PTPRE: variants seen among roughly 807,000 people sequenced by gnomAD.
The protein encoded by PTPRE is protein tyrosine phosphatase receptor type E.
A neutral mutation model predicts 102.0 loss-of-function variants in PTPRE; 51 were observed. That is an observed-to-expected ratio of 0.50 (90% CI 0.40 to 0.63). PTPRE has a LOEUF of 0.63. PTPRE is among the 30% of genes least tolerant of loss of function. The pLI is 0.00. For missense variants in PTPRE, 752 were observed against 915.1 expected (o/e 0.82, Z 2.30); for synonymous variants, 345 against 348.2 (o/e 0.99, Z 0.10).
At chr10:128,068,011 C>G in intron 11 of PTPRE, 112 bp from the exon 12 acceptor site, 1 of 1,247,604 alleles carries the variant, frequency 8.0e-7, no homozygotes. Flanking sequence ...TGGGCCCCTC[C>G]CCTACGCAGC....
intron 1 of PTPRE, among the ~76,000 whole-genome samples, chr10:127,981,282 G>A (rs1421586547): frequency 1.3e-5 from 2 of 152,174 alleles, no homozygotes; most frequent in Non-Finnish European, 2.9e-5. Flanking sequence ...ACAGAAAGTA[G>A]ATTGGTGTTG....
At chr10:127,914,347 A>G (rs890254671) in intron 1 of PTPRE, among the ~76,000 whole-genome samples, 3 of 152,230 alleles carry the variant, frequency 2.0e-5, no homozygotes, top group Non-Finnish European at 2.9e-5. Context: ...GAACAGACTG[A>G]CACACACAGC....
At chr10:128,053,837 G>A (rs775590410) in intron 6 of PTPRE, among the ~76,000 whole-genome samples, 2 of 151,942 alleles carry the variant, frequency 1.3e-5, no homozygotes, top group South Asian at 2.1e-4. Flanking sequence ...CTTGGCTCAC[G>A]GCAACCTCCG....
At chr10:127,995,013 A>T (rs1853104249) in intron 2 of PTPRE, among the ~76,000 whole-genome samples, 1 of 152,212 alleles carries the variant, frequency 6.6e-6, no homozygotes. Context: ...GATGCGTTCT[A>T]AGGTGAGGGC....
intron 19 of PTPRE, 49 bp downstream of exon 19, chr10:128,077,832 C>G: frequency 6.5e-7 from 1 of 1,536,460 alleles, no homozygotes; most frequent in Non-Finnish European, 8.8e-7. Context: ...ACAGGCTGCA[C>G]CCCCCCAGTA....
chr10:127,977,217 T>G (rs1480162604), intron 1 of PTPRE, among the ~76,000 whole-genome samples: 8 of 152,172 alleles, frequency 5.3e-5, no homozygotes, highest in Admixed American at 2.6e-4. Flanking sequence ...ATTGAGGAAC[T>G]TGGCTCCGGG....
At chr10:128,021,364 T>C (rs1845867545) in intron 2 of PTPRE, among the ~76,000 whole-genome samples, 2 of 152,216 alleles carry the variant, frequency 1.3e-5, no homozygotes, top group Admixed American at 1.3e-4. Flanking sequence ...CCCGACCTCC[T>C]GCGAGCCTCC....
chr10:127,965,989 C>T (rs1448355430), intron 1 of PTPRE, among the ~76,000 whole-genome samples: 1 of 152,262 alleles, frequency 6.6e-6, no homozygotes, highest in African/African-American at 2.4e-5. Context: ...AGTTGCAGGT[C>T]CTGATGGTGG....
At chr10:128,055,363 G>A (rs1293092502) in intron 6 of PTPRE, among the ~76,000 whole-genome samples, 2 of 152,192 alleles carry the variant, frequency 1.3e-5, no homozygotes, top group Non-Finnish European at 2.9e-5. Context: ...TTCACGCTCG[G>A]TTATGCTGCT....
intron 11 of PTPRE, 46 bp downstream of exon 11, chr10:128,066,240 G>A (rs1424093413): frequency 3.7e-6 from 6 of 1,604,414 alleles, no homozygotes; most frequent in Non-Finnish European, 5.1e-6. Flanking sequence ...CATTTTCAGA[G>A]AGCATCATGC....
intron 19 of PTPRE, among the ~76,000 whole-genome samples, chr10:128,078,008 A>AG (rs1851378013): frequency 6.6e-6 from 1 of 152,232 alleles, no homozygotes; most frequent in Non-Finnish European, 1.5e-5. Flanking sequence ...ACATAAATGC[A>AG]GAATGCACTT....
intron 7 of PTPRE, among the ~76,000 whole-genome samples, chr10:128,056,485 G>T (rs532870880): frequency 5.9e-5 from 9 of 152,314 alleles, no homozygotes; most frequent in African/African-American, 1.9e-4. Context: ...AGCGGGTAAG[G>T]GTGCTGCTTC....
At chr10:128,000,826 A>G (rs189104014) in intron 2 of PTPRE, among the ~76,000 whole-genome samples, 2 of 152,162 alleles carry the variant, frequency 1.3e-5, no homozygotes, top group Admixed American at 6.5e-5. Context: ...TAAGAATTCC[A>G]CCAAGCCTCA....
At chr10:127,927,070 A>G (rs1447148177) in intron 1 of PTPRE, among the ~76,000 whole-genome samples, 1 of 151,890 alleles carries the variant, frequency 6.6e-6, no homozygotes, top group Non-Finnish European at 1.5e-5. Flanking sequence ...TCGGCCTCCC[A>G]AAGTCCTAGG....
chr10:128,069,902 G>C, intron 13 of PTPRE, 75 bp downstream of exon 13: 1 of 1,606,388 alleles, frequency 6.2e-7, no homozygotes, highest in Non-Finnish European at 8.5e-7. Flanking sequence ...CAGGTGTGCA[G>C]GGCCCTGGCT....
chr10:128,062,911 A>G, intron 9 of PTPRE, 172 bp from the exon 10 acceptor site: 1 of 1,179,086 alleles, frequency 8.5e-7, no homozygotes, highest in Non-Finnish European at 1.2e-6. Context: ...GTGGCAGGAC[A>G]GGCAGCCCCT....
intron 2 of PTPRE, among the ~76,000 whole-genome samples, chr10:128,017,365 G>C (rs1845522314): frequency 6.6e-6 from 1 of 152,180 alleles, no homozygotes; most frequent in South Asian, 2.1e-4. Flanking sequence ...TGCACATTGT[G>C]AGGGCTGCTG....
At chr10:127,999,544 C>A in intron 2 of PTPRE, 1 of 985,400 alleles carries the variant, frequency 1.0e-6, no homozygotes, top group African/African-American at 1.7e-5. Flanking sequence ...TTCTGCTTAC[C>A]CAGCTGGGAC....
intron 2 of PTPRE, among the ~76,000 whole-genome samples, chr10:128,022,132 G>A (rs565372421): frequency 1.2e-4 from 18 of 152,324 alleles, no homozygotes; most frequent in African/African-American, 3.8e-4. Context: ...TAGAAGAGGT[G>A]GTCTTGACCT....
Sources: gnomAD v4.1 joint callset for allele counts (sites outside exome capture counted in the v4.1 genomes callset) on GRCh38, gnomAD v4.1.1 for gene constraint, MANE v1.5 for transcripts, NCBI Gene and HGNC (gene_info 2026-07-23, HGNC 2026-07-21) for gene names.